Variants in ARHGEF38 observed in about 807,000 individuals in gnomAD.
ARHGEF38 encodes the protein Rho guanine nucleotide exchange factor (GEF) 38.
ARHGEF38 carries 79 observed loss-of-function variants against 79.9 expected under a neutral mutation model. The observed-to-expected ratio is 0.99, with a 90% CI of 0.82 to 1.19. The LOEUF (loss-of-function observed/expected upper bound fraction) is 1.19. Ranked by LOEUF, ARHGEF38 falls within the 50% of genes most tolerant of loss-of-function variation. The pLI is 0.00. For synonymous variants in ARHGEF38, 366 were observed against 328.3 expected (o/e 1.11, Z -1.24); for missense variants, 962 against 907.2 (o/e 1.06, Z -0.78).
At chr4:105,643,143 T>G (rs1338490834) in intron 5 of ARHGEF38, among the ~76,000 whole-genome samples, 2 of 151,796 alleles carry the variant, frequency 1.3e-5, no homozygotes, top group Non-Finnish European at 1.5e-5. Flanking sequence ...GTTTTTTTTT[T>G]TCAGTATAAA....
At chr4:105,574,031 T>G (rs1317326719) in intron 1 of ARHGEF38, among the ~76,000 whole-genome samples, 1 of 152,212 alleles carries the variant, frequency 6.6e-6, no homozygotes, top group Non-Finnish European at 1.5e-5. Flanking sequence ...TGCTACTGTA[T>G]AGAAGAAATG....
chr4:105,682,134 G>GA (rs1731330051), downstream of ARHGEF38, among the ~76,000 whole-genome samples: 1 of 151,876 alleles, frequency 6.6e-6, no homozygotes, highest in African/African-American at 2.4e-5. Context: ...CAATTTATTG[G>GA]AAAAAGATAT....
chr4:105,561,455 GAATAGAATAGAATA>G lies in ARHGEF38; in HGVS notation c.196+8495_196+8508del, dbSNP rs1725571478. The G allele has an allele frequency of 1.7e-3, 109 of 63,946 alleles. 2 individuals carry two copies. The highest frequency in any genetic ancestry group is 3.0e-3 in the Admixed American group (18 of 6,036). The allele number at this position is 63,946 out of a possible 1,614,324, so 4.0% of individuals were successfully genotyped here. On this transcript the variant is annotated intron_variant, in intron 1 of 13. Transcript: ENST00000420470. ...GAATAGAATAGAATAGAATGGAATA[GAATAGAATAGAATA>G]GAATAGAATAGAATAGAATAGAATA...
At chr4:105,630,815 C>G in intron 3 of ARHGEF38, 83 bp from the exon 4 acceptor site, 3 of 1,267,186 alleles carry the variant, frequency 2.4e-6, no homozygotes, top group Non-Finnish European at 3.2e-6. Flanking sequence ...GTTTTTGACA[C>G]GAGTCGACAT....
chr4:105,572,438 T>C (rs1726283130), intron 1 of ARHGEF38, among the ~76,000 whole-genome samples: 1 of 152,168 alleles, frequency 6.6e-6, no homozygotes, highest in East Asian at 1.9e-4. Context: ...TACAGTTCCG[T>C]GGCATTAAAT....
At chr4:105,561,525 GAATAGAATAGAATAGAA>G (rs1725621898) in intron 1 of ARHGEF38, 1 of 149,192 alleles carries the variant, frequency 6.7e-6, no homozygotes, top group East Asian at 1.9e-4. Flanking sequence ...GAATAGAATA[GAATAGAATAGAATAGAA>G]AAGTTTCTTT....
chr4:105,663,059 A>G (rs1730620897), intron 10 of ARHGEF38, among the ~76,000 whole-genome samples: 1 of 152,080 alleles, frequency 6.6e-6, no homozygotes, highest in Non-Finnish European at 1.5e-5. Context: ...ATACTTAGAG[A>G]TTCATATGCA....
At chr4:105,633,874 A>G (rs1388569304) in intron 4 of ARHGEF38, among the ~76,000 whole-genome samples, 2 of 152,244 alleles carry the variant, frequency 1.3e-5, no homozygotes, top group Non-Finnish European at 2.9e-5. Flanking sequence ...AAGCTTTCAC[A>G]GTGGCTGCAG....
chr4:105,588,953 T>C (rs1727185893), intron 1 of ARHGEF38, among the ~76,000 whole-genome samples: 1 of 152,234 alleles, frequency 6.6e-6, no homozygotes, highest in Non-Finnish European at 1.5e-5. Context: ...TTTTATACAT[T>C]TGATCTCCAG....
chr4:105,582,032 G>A (rs1353585047), intron 1 of ARHGEF38, among the ~76,000 whole-genome samples: 2 of 151,940 alleles, frequency 1.3e-5, no homozygotes, highest in Non-Finnish European at 2.9e-5. Context: ...GGGTGTGGTG[G>A]CGGGCGCCTG....
At chr4:105,606,176 A>C (rs1444360762) in intron 2 of ARHGEF38, among the ~76,000 whole-genome samples, 1 of 152,124 alleles carries the variant, frequency 6.6e-6, no homozygotes, top group Non-Finnish European at 1.5e-5. Flanking sequence ...ATTACTACAT[A>C]AGTTCAGAGC....
chr4:105,567,430 T>G (rs939747752), intron 1 of ARHGEF38, among the ~76,000 whole-genome samples: 5 of 152,242 alleles, frequency 3.3e-5, no homozygotes, highest in Admixed American at 6.5e-5. Context: ...ACATGGTATT[T>G]TACCCTCATA....
At chr4:105,630,506 T>G (rs1269729539) in intron 3 of ARHGEF38, among the ~76,000 whole-genome samples, 1 of 152,148 alleles carries the variant, frequency 6.6e-6, no homozygotes, top group African/African-American at 2.4e-5. Flanking sequence ...CCTCCCAAAG[T>G]GCTGGGATTA....
intron 1 of ARHGEF38, among the ~76,000 whole-genome samples, chr4:105,588,151 ACT>A (rs1727147962): frequency 6.6e-6 from 1 of 152,160 alleles, no homozygotes; most frequent in Non-Finnish European, 1.5e-5. Flanking sequence ...CCAAGAAAAC[ACT>A]GTTTATTTTC....
At position 105,680,125 on chromosome 4, in the gene ARHGEF38, A is replaced by T; in HGVS notation, c.*2188A>T. 2.8e-6 allele frequency: 2 copies of T among 712,228 alleles called. No homozygotes were observed. Among genetic ancestry groups the T allele is most frequent in the South Asian group, 2.8e-5 (2 of 71,638 alleles). The allele number at this position is 712,228 out of a possible 1,614,324, so 44.1% of individuals were successfully genotyped here. A position where few individuals can be genotyped will look rare whatever the true frequency, so the allele number is the denominator to read the frequency against. ...TTCATCTGTGTTTTATAAAGGAGGA[A>T]ATTGAGGACCTCACATGGAGGGACT... On this transcript the variant is annotated 3_prime_UTR_variant, in exon 14 of 14. Transcript: ENST00000420470.
intron 2 of ARHGEF38, among the ~76,000 whole-genome samples, chr4:105,606,778 A>G (rs1460947784): frequency 6.6e-6 from 1 of 152,084 alleles, no homozygotes; most frequent in East Asian, 1.9e-4. Context: ...AACTATTTGA[A>G]GTATATAATT....
chr4:105,609,652 A>G (rs1378450007), intron 2 of ARHGEF38, among the ~76,000 whole-genome samples: 4 of 152,116 alleles, frequency 2.6e-5, no homozygotes, highest in Admixed American at 6.6e-5. Context: ...CGCCAAAGCA[A>G]CCTTGAGCAA....
intron 1 of ARHGEF38, among the ~76,000 whole-genome samples, chr4:105,560,398 AACTT>A (rs1207688373): frequency 6.6e-6 from 1 of 152,192 alleles, no homozygotes; most frequent in Non-Finnish European, 1.5e-5. Flanking sequence ...ATCTCAATAA[AACTT>A]AATATATATC....
rs920322047 is a variant in ARHGEF38 at position 105,636,434 on chromosome 4, A to T, written c.674+14A>T. 7.4e-6 allele frequency: 3 copies of T among 406,224 alleles called. No individual in the cohort carries two copies. Among genetic ancestry groups the T allele is most frequent in the Middle Eastern group, 5.2e-4 (1 of 1,936 alleles). The allele number at this position is 406,224 out of a possible 1,614,324, so 25.2% of individuals were successfully genotyped here. ...ATACATGCAAGAGTAAGTACTTTTT[A>T]AAATAATATAAATCAAATATAAAAA... On this transcript the variant is annotated intron_variant, in intron 5 of 13. Coordinates refer to ENST00000420470, the MANE Select transcript of ARHGEF38 (RefSeq NM_001242729.2).
Sources: allele counts gnomAD v4.1 joint callset (sites outside exome capture counted in the v4.1 genomes callset), GRCh38; gene constraint gnomAD v4.1.1; transcripts MANE v1.5; gene names NCBI Gene and HGNC (gene_info 2026-07-23, HGNC 2026-07-21).